The following COL24A1 variants were observed in gnomAD, a reference collection of about 807,000 sequenced individuals.
COL24A1 encodes collagen alpha-1(XXIV) chain.
Under a neutral mutation model 253.9 loss-of-function variants are expected in COL24A1, and 224 were observed. The ratio of observed to expected loss-of-function variants is 0.88; its 90% confidence interval spans 0.79 to 0.99. COL24A1 has a LOEUF of 0.99. COL24A1 is among the 50% of genes least tolerant of loss of function. The pLI is 0.00. For synonymous variants in COL24A1, 685 were observed against 673.7 expected (o/e 1.02, Z -0.26); for missense variants, 2,131 against 2,068.5 (o/e 1.03, Z -0.59).
intron 24 of COL24A1, among the ~76,000 whole-genome samples, chr1:85,936,395 G>A (rs1446589198): frequency 2.0e-5 from 3 of 147,064 alleles, no homozygotes; most frequent in African/African-American, 7.5e-5. Flanking sequence ...TTAAATCACA[G>A]CATAACTTGC....
rs1199097586 is a variant in COL24A1, at chr1:85,896,298, G to A, written c.2832+58C>T. ...AAATATATTGTTTTTTAGACTAGTA[G>A]GACATATGATCTCAATAAAATTTAA... On this transcript the variant is annotated intron_variant, in intron 29 of 59. Coordinates refer to ENST00000370571, the MANE Select transcript of COL24A1 (RefSeq NM_152890.7). 3.5e-6 allele frequency: 5 copies of A among 1,440,676 alleles called. No individual in the cohort carries two copies. The African/African-American group carries it at 5.6e-5, about 16-fold the overall frequency. 89.2% of individuals were successfully genotyped at this position (1,440,676 alleles called of 1,614,324 possible). A position where few individuals can be genotyped will look rare whatever the true frequency, so the allele number is the denominator to read the frequency against.
intron 7 of COL24A1, among the ~76,000 whole-genome samples, chr1:86,066,310 C>T (rs986536515): frequency 6.9e-6 from 1 of 145,412 alleles, no homozygotes; most frequent in African/African-American, 2.5e-5. Flanking sequence ...ACGATCTCGG[C>T]TCACTGCAAG....
chr1:85,841,496 T>C (rs934800713), intron 41 of COL24A1, among the ~76,000 whole-genome samples: 1 of 152,216 alleles, frequency 6.6e-6, no homozygotes, highest in Non-Finnish European at 1.5e-5. Context: ...TTTAATTATA[T>C]AAGAAGCAGC....
intron 1 of COL24A1, chr1:86,154,153 C>T (rs560244638): frequency 9.9e-5 from 15 of 152,160 alleles, no homozygotes; most frequent in Admixed American, 3.9e-4. Flanking sequence ...CGCCCCACCC[C>T]GCCTCAAACT....
Position 85,816,698 on chromosome 1 carries a change from A to G in COL24A1, c.3951+90T>C, listed in dbSNP as rs1673074043. On this transcript the variant is annotated intron_variant, in intron 47 of 59. Coordinates refer to ENST00000370571, the MANE Select transcript of COL24A1 (RefSeq NM_152890.7). ...ACTGGCTTAATCTGAGCCAATGCCAAAGCTAAAATAGATAGCCAAAATATC... is the reference window on the plus strand; with the variant it reads ...ACTGGCTTAATCTGAGCCAATGCCAGAGCTAAAATAGATAGCCAAAATATC... 5.5e-6 allele frequency: 6 copies of G among 1,097,724 alleles called. No individual in the cohort carries two copies. The East Asian group carries it at 1.4e-4, about 26-fold the overall frequency. The allele number at this position is 1,097,724 out of a possible 1,614,324, so 68.0% of individuals were successfully genotyped here.
chr1:85,992,309 T>G (rs184429273), intron 19 of COL24A1, among the ~76,000 whole-genome samples: 1 of 152,322 alleles, frequency 6.6e-6, no homozygotes, highest in Admixed American at 6.5e-5. Flanking sequence ...CACAAGTTAT[T>G]AAAAGGAGGA....
rs776694396 is a variant in COL24A1 at position 86,115,367 on chromosome 1, A to T, written c.1503T>A (p.Gly501=). ...KGDTGPPGPP[G]PAGIPGPSGK... is the part of the protein sequence containing the mutation. ...CTGACGGACCTGGGATACCTGCTGG[A>T]CCAGGTGGACCCTTGGAAAACAAAT... The change falls in exon 4 of 60, where the codon GGT becomes GGA. Residue 501 remains glycine, a synonymous_variant. Coordinates refer to ENST00000370571, the MANE Select transcript of COL24A1 (RefSeq NM_152890.7). The T allele has an allele frequency of 3.7e-6, 6 of 1,613,766 alleles. No homozygotes were observed. The highest frequency in any genetic ancestry group is 5.1e-6 in the Non-Finnish European group (6 of 1,179,870).
At chr1:86,113,865 A>G (rs996019473) in intron 4 of COL24A1, among the ~76,000 whole-genome samples, 1 of 141,970 alleles carries the variant, frequency 7.0e-6, no homozygotes, top group African/African-American at 2.6e-5. Context: ...AAAAAAAAAG[A>G]AAGAAAAAAA....
intron 24 of COL24A1, among the ~76,000 whole-genome samples, chr1:85,949,050 T>C (rs958353509): frequency 6.6e-6 from 1 of 152,174 alleles, no homozygotes; most frequent in East Asian, 1.9e-4. Flanking sequence ...TATCGTGACA[T>C]ATTGGTATCT....
chr1:85,836,074 T>C (rs1225418600), intron 43 of COL24A1, among the ~76,000 whole-genome samples: 1 of 152,188 alleles, frequency 6.6e-6, no homozygotes, highest in Admixed American at 6.5e-5. Context: ...TTTTCCCCAG[T>C]TTACTAATCT....
chr1:86,143,704 C>T (rs185470806), intron 2 of COL24A1, among the ~76,000 whole-genome samples: 10 of 152,040 alleles, frequency 6.6e-5, no homozygotes, highest in South Asian at 2.1e-4. Context: ...TTTGGGCAGA[C>T]AATAGTAGGA....
intron 11 of COL24A1, among the ~76,000 whole-genome samples, chr1:86,048,664 G>A (rs561980502): frequency 1.3e-5 from 2 of 151,952 alleles, no homozygotes; most frequent in Non-Finnish European, 2.9e-5. Flanking sequence ...CTAATTTTTT[G>A]TATTTTTAGT....
intron 3 of COL24A1, among the ~76,000 whole-genome samples, chr1:86,116,960 G>A (rs1463348198): frequency 6.6e-6 from 1 of 151,960 alleles, no homozygotes; most frequent in African/African-American, 2.4e-5. Flanking sequence ...AAGAAAAATT[G>A]ACTTTCTTTT....
At chr1:85,926,950 A>T (rs1426893621) in intron 24 of COL24A1, among the ~76,000 whole-genome samples, 1 of 152,196 alleles carries the variant, frequency 6.6e-6, no homozygotes, top group Non-Finnish European at 1.5e-5. Flanking sequence ...AAGGATGAAC[A>T]TTAAGACAAA....
chr1:85,808,630 T>C (rs1672223392), intron 47 of COL24A1, among the ~76,000 whole-genome samples: 1 of 152,088 alleles, frequency 6.6e-6, no homozygotes, highest in South Asian at 2.1e-4. Flanking sequence ...ATCATTCAGG[T>C]CCATTAAACT....
chr1:85,769,928 G>A (rs1667775465), intron 53 of COL24A1, among the ~76,000 whole-genome samples: 1 of 151,932 alleles, frequency 6.6e-6, no homozygotes, highest in Admixed American at 6.6e-5. Flanking sequence ...TGAAATGCTT[G>A]TGACATTGCC....
At chr1:86,112,206 C>T (rs753387650) in intron 5 of COL24A1, among the ~76,000 whole-genome samples, 1 of 151,656 alleles carries the variant, frequency 6.6e-6, no homozygotes, top group Non-Finnish European at 1.5e-5. Context: ...TATTTTATTT[C>T]CTTGGTGTTT....
chr1:85,783,672 T>C, intron 50 of COL24A1, 114 bp from the exon 51 acceptor site: 2 of 916,738 alleles, frequency 2.2e-6, no homozygotes, highest in African/African-American at 1.7e-5. Flanking sequence ...ATAATACTGT[T>C]GTGCATGCTG....
chr1:85,989,585 T>C (rs1694049354), intron 19 of COL24A1, among the ~76,000 whole-genome samples: 1 of 152,236 alleles, frequency 6.6e-6, no homozygotes, highest in South Asian at 2.1e-4. Context: ...AATCTGAGCA[T>C]GCCACTTTGT....
Sources: gnomAD v4.1 joint callset for allele counts (sites outside exome capture counted in the v4.1 genomes callset) on GRCh38, gnomAD v4.1.1 for gene constraint, MANE v1.5 for transcripts, NCBI Gene and HGNC (gene_info 2026-07-23, HGNC 2026-07-21) for gene names.